Variants in KCNQ4 observed in about 807,000 individuals in gnomAD.
KCNQ4 encodes the protein potassium voltage-gated channel subfamily KQT member 4.
Under a neutral mutation model 72.6 loss-of-function variants are expected in KCNQ4, and 31 were observed. That is an observed-to-expected ratio of 0.43 (90% CI 0.32 to 0.58). The LOEUF (loss-of-function observed/expected upper bound fraction) is 0.58. KCNQ4 is among the 20% of genes least tolerant of loss of function. KCNQ4 has a pLI of 0.08. For synonymous variants in KCNQ4, 405 were observed against 403.7 expected (o/e 1.00, Z -0.04); for missense variants, 869 against 962.6 (o/e 0.90, Z 1.29).
In KCNQ4 at chr1:40,818,965, C is replaced by G. The variant is rs997648664; in HGVS notation, c.708+285C>G. 9 of 586,754 alleles carry G rather than the reference C, an allele frequency of 1.5e-5. No individual in the cohort carries two copies. In the African/African-American group the frequency reaches 1.7e-4, roughly 11 times the overall value. 36.3% of individuals were successfully genotyped at this position (586,754 alleles called of 1,614,324 possible). On this transcript the variant is annotated intron_variant, in intron 4 of 13. Coordinates refer to ENST00000347132, the MANE Select transcript of KCNQ4 (RefSeq NM_004700.4). ...GATGCTTCTGGGTTTGAAGGGACCA[C>G]TCGTACCACAAAGTGGGCAGCTGAG...
At chr1:40,833,318 G>A (rs544835919) in intron 11 of KCNQ4, among the ~76,000 whole-genome samples, 23 of 152,270 alleles carry the variant, frequency 1.5e-4, no homozygotes, top group African/African-American at 5.5e-4. Context: ...GCTGAGGCAG[G>A]AGAATCACTT....
intron 9 of KCNQ4, chr1:40,826,829 A>G (rs946288974): frequency 5.8e-6 from 2 of 347,200 alleles, no homozygotes; most frequent in Admixed American, 3.3e-5. Flanking sequence ...TGCCCAGTGA[A>G]CCCCTCGCCT....
chr1:40,838,619 C>G lies in KCNQ4; in HGVS notation c.*96C>G, dbSNP rs988112371. ...TCCGGACTCCTCTCGTACTTGAACT[C>G]ACTCCCTCACGGGGAGAGAGACCAC... On this transcript the variant is annotated 3_prime_UTR_variant, in exon 14 of 14. Transcript: ENST00000347132. 3.5e-6 allele frequency: 4 copies of G among 1,148,910 alleles called. No individual in the cohort carries two copies. In the African/African-American group the frequency reaches 6.1e-5, roughly 18 times the overall value. 71.2% of individuals were successfully genotyped at this position (1,148,910 alleles called of 1,614,324 possible).
intron 13 of KCNQ4, among the ~76,000 whole-genome samples, 174 bp from the exon 14 acceptor site, chr1:40,838,137 G>T (rs1355331029): frequency 6.6e-6 from 1 of 152,030 alleles, no homozygotes; most frequent in Non-Finnish European, 1.5e-5. Flanking sequence ...ATGCACCAGT[G>T]CCCAGCTTCG....
Position 40,833,624 on chromosome 1 carries a change from C to A in KCNQ4, c.1613+511C>A, listed in dbSNP as rs115701148. ...CTCTAGCTCCAGAAACCCCCTCAAC[C>A]TCCAAGTTTTCTGGGCTCCCCACTT... On this transcript the variant is annotated intron_variant, in intron 11 of 13. Transcript: ENST00000347132. Among the ~76,000 whole-genome samples the A allele has an allele frequency of 9.9e-3, 1,500 of 152,086 alleles. 29 individuals carry two copies. Among genetic ancestry groups the A allele is most frequent in the African/African-American group, 0.034 (1,409 of 41,504 alleles).
intron 9 of KCNQ4, among the ~76,000 whole-genome samples, chr1:40,827,088 A>G (rs1269792939): frequency 6.6e-6 from 1 of 152,056 alleles, no homozygotes; most frequent in Non-Finnish European, 1.5e-5. Flanking sequence ...CCTGCTACCC[A>G]CCTGGGGACC....
At chr1:40,832,370 G>A (rs1011182161) in intron 10 of KCNQ4, among the ~76,000 whole-genome samples, 3 of 152,186 alleles carry the variant, frequency 2.0e-5, no homozygotes, top group African/African-American at 4.8e-5. Context: ...GTCTTTGAGA[G>A]GTGCTGCCCA....
Position 40,820,002 on chromosome 1 carries a change from T to G in KCNQ4, c.945+17T>G. The G allele has an allele frequency of 6.2e-7, 1 of 1,601,480 alleles. No homozygotes were observed. The highest frequency in any genetic ancestry group is 8.6e-7 in the Non-Finnish European group (1 of 1,168,476). On this transcript the variant is annotated intron_variant, in intron 6 of 13. Coordinates refer to ENST00000347132, the MANE Select transcript of KCNQ4 (RefSeq NM_004700.4). ...CTGCCTGCCGTGAGTTGCCTCCTGC[T>G]CAGTTGGTGGGGGAGGCTGAGGGTG...
intron 9 of KCNQ4, among the ~76,000 whole-genome samples, chr1:40,824,691 C>A (rs1648424266): frequency 6.6e-6 from 1 of 152,170 alleles, no homozygotes; most frequent in African/African-American, 2.4e-5. Flanking sequence ...GGGCAGGGAA[C>A]CCCCTCCCCC....
chr1:40,802,501 G>A (rs1647612243), intron 1 of KCNQ4, among the ~76,000 whole-genome samples: 1 of 152,034 alleles, frequency 6.6e-6, no homozygotes. Flanking sequence ...CCCTCCCAGG[G>A]ACGCAAGAGC....
chr1:40,793,464 C>T (rs750513489), intron 1 of KCNQ4, among the ~76,000 whole-genome samples: 1 of 152,118 alleles, frequency 6.6e-6, no homozygotes, highest in Non-Finnish European at 1.5e-5. Flanking sequence ...TGCACTCCTA[C>T]GACATCAGGG....
intron 1 of KCNQ4, among the ~76,000 whole-genome samples, chr1:40,802,307 G>A (rs1570809829): frequency 6.6e-6 from 1 of 152,056 alleles, no homozygotes; most frequent in East Asian, 2.0e-4. Flanking sequence ...TCGGGGACGC[G>A]GCGGCACCTT....
At chr1:40,812,532 G>A (rs1226660121) in intron 1 of KCNQ4, among the ~76,000 whole-genome samples, 1 of 152,136 alleles carries the variant, frequency 6.6e-6, no homozygotes, top group African/African-American at 2.4e-5. Context: ...CAAATGTTGG[G>A]ATTACAGGCA....
At chr1:40,785,766 T>C (rs1238059664) in intron 1 of KCNQ4, among the ~76,000 whole-genome samples, 1 of 152,118 alleles carries the variant, frequency 6.6e-6, no homozygotes, top group African/African-American at 2.4e-5. Context: ...CTTGCTGGCC[T>C]GCCTCTGCCC....
chr1:40,826,712 C>T (rs1648488970), intron 9 of KCNQ4: 1 of 453,574 alleles, frequency 2.2e-6, no homozygotes, highest in Non-Finnish European at 4.5e-6. Context: ...CTCGCCTGCT[C>T]CTCCTGTCCC....
At chr1:40,787,243 C>T (rs951032059) in intron 1 of KCNQ4, among the ~76,000 whole-genome samples, 6 of 152,160 alleles carry the variant, frequency 3.9e-5, no homozygotes, top group African/African-American at 1.2e-4. Context: ...GTGGTGCACA[C>T]CTGTAGACAC....
chr1:40,784,400 G>C lies in KCNQ4; in HGVS notation c.307G>C (p.Val103Leu). Residue 103 changes from valine to leucine, a missense_variant, in exon 1 of 14, where the codon GTC (valine) becomes CTC (leucine). This residue lies in a region of KCNQ4 where 178 missense variants were observed against 145.3 expected (regional missense o/e 1.22). Transcript: ENST00000347132. The surrounding 1 kb of genome is among the most constrained non-coding windows in gnomAD (Gnocchi z 4.1). ...CCGCGGCTGGGCCTTCGTCTACCAC[G>C]TCTTCATGTGAGTTTGCGACCCCGC... ...RPRGWAFVYH[V>L]FIFLLVFSCL... The C allele has an allele frequency of 6.2e-7, 1 of 1,608,610 alleles. No individual in the cohort carries two copies. Among genetic ancestry groups the C allele is most frequent in the Non-Finnish European group, 8.5e-7 (1 of 1,178,956 alleles).
intron 12 of KCNQ4, 29 bp from the exon 13 acceptor site, chr1:40,837,636 G>T: frequency 6.2e-7 from 1 of 1,602,830 alleles, no homozygotes; most frequent in Non-Finnish European, 8.5e-7. Context: ...GCGTGTCCCC[G>T]GGCCCTCTGA....
intron 2 of KCNQ4, 31 bp from the exon 3 acceptor site, chr1:40,818,133 A>C (rs1648154488): frequency 1.2e-6 from 2 of 1,613,624 alleles, no homozygotes; most frequent in Non-Finnish European, 1.7e-6. Flanking sequence ...CTGGAGACTG[A>C]GGACCAGAAC....
Sources: allele counts gnomAD v4.1 joint callset (sites outside exome capture counted in the v4.1 genomes callset), GRCh38; gene constraint gnomAD v4.1.1; regional missense constraint gnomAD v4.1.1; non-coding constraint Gnocchi (gnomAD v3.1); transcripts MANE v1.5; gene names NCBI Gene and HGNC (gene_info 2026-07-23, HGNC 2026-07-21).